The following RPL14 variants were observed in gnomAD, a reference collection of about 807,000 sequenced individuals.
RPL14 encodes ribosomal protein L14.
RPL14 carries 4 observed loss-of-function variants against 25.3 expected under a neutral mutation model. The ratio of observed to expected loss-of-function variants is 0.16; its 90% confidence interval spans 0.08 to 0.36. RPL14 has a LOEUF of 0.36. RPL14 is among the 10% of genes least tolerant of loss of function. The pLI, the probability that RPL14 is intolerant of heterozygous loss-of-function variation, is 1.00. For missense variants in RPL14, 212 were observed against 261.9 expected, an observed-to-expected ratio of 0.81 and a Z score of 1.31; for synonymous variants, 75 against 89.8, an observed-to-expected ratio of 0.84 and a Z score of 0.93.
chr3:40,465,793 G>C lies in RPL14; in HGVS notation c.*3561G>C, dbSNP rs1559530401. On this transcript the variant is annotated 3_prime_UTR_variant, in exon 6 of 6. Transcript: ENST00000396203. ...CTAGAAAACAGTGCAATACAGAACAGTGGAAATTGGAAATTCCAATCTTGG... is the reference window on the plus strand; with the variant it reads ...CTAGAAAACAGTGCAATACAGAACACTGGAAATTGGAAATTCCAATCTTGG... 1 of 152,218 alleles carries C rather than the reference G, an allele frequency of 6.6e-6. No individual in the cohort carries two copies. Among genetic ancestry groups the C allele is most frequent in the Non-Finnish European group, 1.5e-5 (1 of 68,072 alleles). 9.4% of individuals were successfully genotyped at this position (152,218 alleles called of 1,614,324 possible).
chr3:40,458,841 G>C, intron 3 of RPL14, 105 bp downstream of exon 3: 1 of 840,250 alleles, frequency 1.2e-6, no homozygotes, highest in South Asian at 1.4e-5. Flanking sequence ...CCATCCTGAA[G>C]AGGGATTTGC....
Position 40,464,778 on chromosome 3 carries a change from A to T in RPL14, c.*2546A>T, listed in dbSNP as rs574231014. 1.9e-4 allele frequency: 49 copies of T among 254,618 alleles called. No homozygotes were observed. The South Asian group carries it at 2.2e-3, about 11-fold the overall frequency. 15.8% of individuals were successfully genotyped at this position (254,618 alleles called of 1,614,324 possible). ...GATCATGCATTGGACTGCAGAAATA[A>T]GGGAGAAAACAATGTGTCAGGGTTT... On this transcript the variant is annotated 3_prime_UTR_variant, in exon 6 of 6. Transcript: ENST00000396203.
rs1356241129 is a variant in RPL14 at position 40,464,764 on chromosome 3, G to A, written c.*2532G>A. The A allele has an allele frequency of 1.9e-5, 5 of 267,540 alleles. No homozygotes were observed. Among genetic ancestry groups the A allele is most frequent in the African/African-American group, 1.1e-4 (5 of 45,770 alleles). 16.6% of individuals were successfully genotyped at this position (267,540 alleles called of 1,614,324 possible). ...ATTTAGGTGGTCTTGATCATGCATT[G>A]GACTGCAGAAATAAGGGAGAAAACA... On this transcript the variant is annotated 3_prime_UTR_variant, in exon 6 of 6. Transcript: ENST00000396203.
chr3:40,457,540 C>T, intron 1 of RPL14, 66 bp downstream of exon 1: 1 of 1,358,978 alleles, frequency 7.4e-7, no homozygotes, highest in Non-Finnish European at 1.0e-6. Flanking sequence ...CCTTCCCGGA[C>T]TCGCCGCTGG....
At position 40,468,020 on chromosome 3, in the gene RPL14, CCT is replaced by C. The variant is rs1250615605; in HGVS notation, c.*5789_*5790del. 1 of 152,096 alleles carries C rather than the reference CCT, an allele frequency of 6.6e-6. No individual in the cohort carries two copies. The highest frequency in any genetic ancestry group is 2.4e-5 in the African/African-American group (1 of 41,390). The allele number at this position is 152,096 out of a possible 1,614,324, so 9.4% of individuals were successfully genotyped here. A position where few individuals can be genotyped will look rare whatever the true frequency, so the allele number is the denominator to read the frequency against. On this transcript the variant is annotated 3_prime_UTR_variant, in exon 6 of 6. Transcript: ENST00000396203. ...ATTGTTAGTAGATACAGGGTTTCAC[CCT>C]GTTAGCCAGGATGGTGGATGGGCAT...
At position 40,461,667 on chromosome 3, in the gene RPL14, A is replaced by AT. The variant is rs776580983; in HGVS notation, c.354+9dup. The AT allele has an allele frequency of 2.2e-4, 355 of 1,597,782 alleles. No individual in the cohort carries two copies. The highest frequency in any genetic ancestry group is 2.7e-4 in the Non-Finnish European group (315 of 1,174,032). On this transcript the variant is annotated splice_region_variant and intron_variant, in intron 5 of 5. Coordinates refer to ENST00000396203, the MANE Select transcript of RPL14 (RefSeq NM_001034996.3). ...TTATGAAGGCAAAGAAAATGGTAAG[A>AT]TTTAAGATCTGTATTTTTGTGTAAC...
rs757711970 is a variant in RPL14 at position 40,461,374 on chromosome 3, G to C, written c.201-33G>C. On this transcript the variant is annotated intron_variant, in intron 3 of 5. Transcript: ENST00000396203. The stretch of plus-strand genomic sequence containing the variant: ...TTTGATAATGAGTGACTTCAAAGCT[G>C]ATTTCTTAATCTGTGGTCTTGGCTC... 15 of 1,585,144 alleles carry C rather than the reference G, an allele frequency of 9.5e-6. No homozygotes were observed. In the East Asian group the frequency reaches 3.1e-4, roughly 33 times the overall value.
At chr3:40,458,319 A>G in intron 2 of RPL14, 3 of 514,236 alleles carry the variant, frequency 5.8e-6, no homozygotes, top group Non-Finnish European at 1.0e-5. Flanking sequence ...ATTTGAAACA[A>G]GCAAACTAAG....
chr3:40,465,331 C>G lies in RPL14; in HGVS notation c.*3099C>G, dbSNP rs1260868650. On this transcript the variant is annotated 3_prime_UTR_variant, in exon 6 of 6. Coordinates refer to ENST00000396203, the MANE Select transcript of RPL14 (RefSeq NM_001034996.3). ...GTTCGGAGGTTTTGTGTTTGTAAAT[C>G]TGGAGTGATGGGCATGTTCAAATGC... 6.6e-6 allele frequency: 1 copy of G among 152,068 alleles called. No individual in the cohort carries two copies. The highest frequency in any genetic ancestry group is 2.4e-5 in the African/African-American group (1 of 41,390). The allele number at this position is 152,068 out of a possible 1,614,324, so 9.4% of individuals were successfully genotyped here. A position where few individuals can be genotyped will look rare whatever the true frequency, so the allele number is the denominator to read the frequency against.
rs951636754 is a variant in RPL14, at chr3:40,461,857, A to T, written c.355-82A>T. ...GTAGTTGTAGGGAAACAGACTACTT[A>T]ATGCCCTTTCTAAAACCAGCATAAA... is the stretch of plus-strand genomic sequence containing the variant. On this transcript the variant is annotated intron_variant, in intron 5 of 5. Transcript: ENST00000396203. The T allele has an allele frequency of 2.1e-5, 31 of 1,453,496 alleles. 1 individual carries two copies. The highest frequency in any genetic ancestry group is 5.1e-4 in the Middle Eastern group (2 of 3,914). 90.0% of individuals were successfully genotyped at this position (1,453,496 alleles called of 1,614,324 possible).
At chr3:40,457,791 T>C (rs527279929) in intron 1 of RPL14, 99 bp from the exon 2 acceptor site, 1 of 1,219,502 alleles carries the variant, frequency 8.2e-7, no homozygotes, top group South Asian at 1.2e-5. Flanking sequence ...CAGCATTCTT[T>C]TTCGCTGAAT....
At chr3:40,458,871 ATTATTTACT>A (rs1696884695) in intron 3 of RPL14, 135 bp downstream of exon 3, 1 of 698,276 alleles carries the variant, frequency 1.4e-6, no homozygotes, top group African/African-American at 1.8e-5. Flanking sequence ...GTAGACAGGG[ATTATTTACT>A]TTTAAAATGT....
chr3:40,459,885 C>A (rs936578022), intron 3 of RPL14, among the ~76,000 whole-genome samples: 2 of 91,274 alleles, frequency 2.2e-5, no homozygotes, highest in Non-Finnish European at 4.3e-5. Flanking sequence ...AAAAAACTTA[C>A]TGTATGCTGA....
rs1048615791 is a variant in RPL14, at chr3:40,463,634, C to G, written c.*1402C>G. ...CTATGACACTACAATTTAAAAATCC[C>G]TAGCCTACCCGCATGGTGGGTTATG... On this transcript the variant is annotated 3_prime_UTR_variant, in exon 6 of 6. Transcript: ENST00000396203. The G allele has an allele frequency of 1.3e-5, 2 of 152,212 alleles. No individual in the cohort carries two copies. The highest frequency in any genetic ancestry group is 2.4e-5 in the African/African-American group (1 of 41,454). The allele number at this position is 152,212 out of a possible 1,614,324, so 9.4% of individuals were successfully genotyped here.
chr3:40,461,509 A>G lies in RPL14; in HGVS notation c.300+3A>G. 2 of 1,613,754 alleles carry G rather than the reference A, an allele frequency of 1.2e-6. No homozygotes were observed. Among genetic ancestry groups the G allele is most frequent in the South Asian group, 2.2e-5 (2 of 91,044 alleles). On this transcript the variant is annotated splice_donor_region_variant and intron_variant, in intron 4 of 5. Transcript: ENST00000396203. ...AGAAGATTGAAGCCAGAGAAAGGGT[A>G]ATAACTTAGGGTCATTTGAATTCTG...
rs1002236411 is a variant in RPL14 at position 40,457,401 on chromosome 3, A to C, written c.-71A>C. 1 of 1,598,844 alleles carries C rather than the reference A, an allele frequency of 6.3e-7. No homozygotes were observed. Among genetic ancestry groups the C allele is most frequent in the Non-Finnish European group, 8.5e-7 (1 of 1,172,228 alleles). On this transcript the variant is annotated 5_prime_UTR_variant, in exon 1 of 6. It removes an upstream start codon present in the reference 5' UTR. Transcript: ENST00000396203. ...GTTGCGGGCTCCGGGGCCGTCGACC[A>C]TGCCGCTCGACCTCCACCTCCGCTG...
intron 2 of RPL14, chr3:40,458,273 A>G: frequency 1.9e-6 from 1 of 538,704 alleles, no homozygotes; most frequent in African/African-American, 1.9e-5. Flanking sequence ...GAACAGATCC[A>G]GCACGTAGAA....
intron 2 of RPL14, chr3:40,458,385 A>G: frequency 1.9e-6 from 1 of 530,778 alleles, no homozygotes. Flanking sequence ...TTGCCTGTAA[A>G]TTACATGTGG....
At chr3:40,458,136 G>A (rs1473071322) in intron 2 of RPL14, 145 bp downstream of exon 2, 2 of 679,188 alleles carry the variant, frequency 2.9e-6, no homozygotes, top group South Asian at 1.8e-5. Context: ...TAATGGTACG[G>A]GTTTTAAGCA....
Sources: allele counts gnomAD v4.1 joint callset (sites outside exome capture counted in the v4.1 genomes callset), GRCh38; gene constraint gnomAD v4.1.1; transcripts MANE v1.5; gene names NCBI Gene and HGNC (gene_info 2026-07-23, HGNC 2026-07-21).